The following CEP83 variants were observed in gnomAD, a reference collection of about 807,000 sequenced individuals.
CEP83 encodes the protein centrosomal protein 83.
CEP83 carries 70 observed loss-of-function variants against 101.9 expected under a neutral mutation model. The ratio of observed to expected loss-of-function variants is 0.69; its 90% CI spans 0.57 to 0.84. The LOEUF (loss-of-function observed/expected upper bound fraction) is 0.84. Among genes scored for constraint, CEP83 ranks in the 40% least tolerant of loss-of-function variants. The probability of loss-of-function intolerance (pLI) is 0.00; values close to 1 mark genes in which losing one functional copy is unlikely to be tolerated. For synonymous variants in CEP83, 264 were observed against 267.9 expected (o/e 0.99, Z 0.14); for missense variants, 715 against 787.2 (o/e 0.91, Z 1.10).
chr12:94,353,082 T>C (rs144209147), intron 11 of CEP83, among the ~76,000 whole-genome samples: 2 of 151,958 alleles, frequency 1.3e-5, no homozygotes, highest in Admixed American at 6.6e-5. Flanking sequence ...AAGAGAGAAT[T>C]CTATAAACAA....
intron 1 of CEP83, among the ~76,000 whole-genome samples, chr12:94,449,029 A>AG (rs1297377404): frequency 6.6e-6 from 1 of 151,684 alleles, no homozygotes; most frequent in African/African-American, 2.4e-5. Flanking sequence ...AATCGAAAAA[A>AG]AAAAAAAAAC....
chr12:94,298,565 C>T, the CEP83 span: 4 of 1,244,184 alleles, frequency 3.2e-6, no homozygotes, highest in Non-Finnish European at 4.5e-6. Context: ...TTTGCTTTTG[C>T]TATTATGTTT....
intron 8 of CEP83, among the ~76,000 whole-genome samples, chr12:94,373,673 G>A (rs1231024204): frequency 2.0e-5 from 3 of 152,090 alleles, no homozygotes; most frequent in Non-Finnish European, 4.4e-5. Context: ...TCTCTTTAAG[G>A]TCATCATTTT....
chr12:94,435,300 C>G lies in CEP83; in HGVS notation c.-127G>C, dbSNP rs73218270. On this transcript the variant is annotated 5_prime_UTR_variant, in exon 2 of 17. Transcript: ENST00000397809. Reference sequence around the variant, plus strand: ...CTTCCTCTAAAGTAGGTCATAAGATCCTCAATCCAGAGGTGTCCTCCCTAT... The same window carrying G: ...CTTCCTCTAAAGTAGGTCATAAGATGCTCAATCCAGAGGTGTCCTCCCTAT... 0.066 allele frequency: 9,987 copies of G among 152,210 alleles called. 428 individuals carry two copies. The highest frequency in any genetic ancestry group is 0.12 in the Middle Eastern group (36 of 294). 9.4% of individuals were successfully genotyped at this position (152,210 alleles called of 1,614,324 possible). A position where few individuals can be genotyped will look rare whatever the true frequency, so the allele number is the denominator to read the frequency against.
At chr12:94,316,821 T>C (rs1012419699) in intron 14 of CEP83, among the ~76,000 whole-genome samples, 3 of 152,198 alleles carry the variant, frequency 2.0e-5, no homozygotes, top group Non-Finnish European at 4.4e-5. Context: ...TTATCCAATC[T>C]TCCATTGATG....
the CEP83 span, among the ~76,000 whole-genome samples, chr12:94,294,272 C>T: frequency 1.3e-5 from 2 of 152,292 alleles, no homozygotes; most frequent in African/African-American, 4.8e-5. Flanking sequence ...CAGCCTCCTC[C>T]ACAGGACCAT....
intron 9 of CEP83, 159 bp from the exon 10 acceptor site, chr12:94,368,360 TTAAAA>T (rs1593463654): frequency 1.5e-5 from 9 of 587,424 alleles, no homozygotes; most frequent in Non-Finnish European, 2.6e-5. Flanking sequence ...ATAAACACTC[TTAAAA>T]TAAGAATGAA....
chr12:94,288,523 C>T, the CEP83 span, among the ~76,000 whole-genome samples: 14 of 152,164 alleles, frequency 9.2e-5, no homozygotes, highest in African/African-American at 3.4e-4. Flanking sequence ...AAGCAGGAGC[C>T]CTGTGGCATT....
At chr12:94,333,900 T>C (rs547211539) in intron 12 of CEP83, among the ~76,000 whole-genome samples, 43 of 152,154 alleles carry the variant, frequency 2.8e-4, no homozygotes, top group Non-Finnish European at 4.3e-4. Context: ...AGGAGAGGTA[T>C]TGGGAATGGA....
intron 11 of CEP83, among the ~76,000 whole-genome samples, chr12:94,342,159 A>G (rs2059713748): frequency 6.6e-6 from 1 of 152,256 alleles, no homozygotes; most frequent in Non-Finnish European, 1.5e-5. Context: ...TAAGTAAGTA[A>G]TAAGTATACC....
intron 6 of CEP83, among the ~76,000 whole-genome samples, chr12:94,383,713 T>C (rs1397200952): frequency 2.0e-5 from 3 of 152,274 alleles, no homozygotes; most frequent in African/African-American, 7.2e-5. Context: ...TCTTGCCTGT[T>C]ACATGAACAT....
chr12:94,309,796 A>AT lies in CEP83; in HGVS notation c.2001+121dup, dbSNP rs530688389. 1.9e-4 allele frequency: 103 copies of AT among 546,748 alleles called. 1 individual carries two copies. The highest frequency in any genetic ancestry group is 2.3e-4 in the Non-Finnish European group (75 of 322,176). The allele number at this position is 546,748 out of a possible 1,614,324, so 33.9% of individuals were successfully genotyped here. On this transcript the variant is annotated intron_variant, in intron 16 of 16. Coordinates refer to ENST00000397809, the MANE Select transcript of CEP83 (RefSeq NM_016122.3). ...AAAAGTAGTTTTAAATGTTTATGCCATTTTTGTGGTGAATTTTGAGCACTG... is the reference window on the plus strand; with the variant it reads ...AAAAGTAGTTTTAAATGTTTATGCCATTTTTTGTGGTGAATTTTGAGCACTG...
intron 4 of CEP83, among the ~76,000 whole-genome samples, chr12:94,409,679 A>G (rs868151972): frequency 6.6e-6 from 1 of 152,144 alleles, no homozygotes; most frequent in South Asian, 2.1e-4. Flanking sequence ...GTTCTTTCAC[A>G]GTTTTGGAGG....
At chr12:94,348,011 G>A (rs550465533) in intron 11 of CEP83, among the ~76,000 whole-genome samples, 19 of 151,948 alleles carry the variant, frequency 1.3e-4, no homozygotes, top group African/African-American at 4.1e-4. Context: ...GAAACCAGTC[G>A]ATCTAATAAA....
chr12:94,344,461 TA>T (rs2059839911), intron 11 of CEP83, among the ~76,000 whole-genome samples: 1 of 152,072 alleles, frequency 6.6e-6, no homozygotes, highest in African/African-American at 2.4e-5. Context: ...TAGAAAACTC[TA>T]AGAAATCAAC....
At chr12:94,345,309 T>C (rs1047736533) in intron 11 of CEP83, among the ~76,000 whole-genome samples, 3 of 152,216 alleles carry the variant, frequency 2.0e-5, no homozygotes, top group African/African-American at 4.8e-5. Context: ...CATATACATA[T>C]GGGTTTACAT....
At chr12:94,331,654 G>A (rs1438576222) in intron 14 of CEP83, 46 bp downstream of exon 14, 1 of 1,596,482 alleles carries the variant, frequency 6.3e-7, no homozygotes, top group Admixed American at 1.7e-5. Context: ...TTACAGGTGT[G>A]AGCCACCATG....
At chr12:94,396,541 G>C (rs1390712794) in intron 6 of CEP83, among the ~76,000 whole-genome samples, 1 of 152,030 alleles carries the variant, frequency 6.6e-6, no homozygotes, top group Non-Finnish European at 1.5e-5. Context: ...ACCCGCCTCA[G>C]CCTCCCCAAG....
chr12:94,321,536 T>A (rs997685713), intron 14 of CEP83, among the ~76,000 whole-genome samples: 10 of 152,132 alleles, frequency 6.6e-5, no homozygotes, highest in Admixed American at 2.0e-4. Context: ...CTGATTGAAG[T>A]GGTCAGGCAA....
Sources: gnomAD v4.1 joint callset for allele counts (sites outside exome capture counted in the v4.1 genomes callset) on GRCh38, gnomAD v4.1.1 for gene constraint, MANE v1.5 for transcripts, NCBI Gene and HGNC (gene_info 2026-07-23, HGNC 2026-07-21) for gene names.